LRP1B: variants seen among roughly 807,000 people sequenced by gnomAD.
The protein encoded by LRP1B is low-density lipoprotein receptor-related protein 1B.
A neutral mutation model predicts 556.6 loss-of-function variants in LRP1B; 217 were observed. The ratio of observed to expected loss-of-function variants is 0.39; its 90% CI spans 0.35 to 0.44. The LOEUF is 0.44. LRP1B is among the 20% of genes least tolerant of loss of function. The pLI, the probability that LRP1B is intolerant of heterozygous loss-of-function variation, is 1.00. For synonymous variants in LRP1B, 2,047 were observed against 1,865.8 expected (o/e 1.10, Z -2.50); for missense variants, 5,053 against 5,620.8 (o/e 0.90, Z 3.23).
At chr2:141,054,824 A>T (rs1242415113) in intron 10 of LRP1B, among the ~76,000 whole-genome samples, 1 of 152,008 alleles carries the variant, frequency 6.6e-6, no homozygotes, top group Non-Finnish European at 1.5e-5. Context: ...CCAACTTATT[A>T]GCTCAAATAC....
intron 7 of LRP1B, among the ~76,000 whole-genome samples, chr2:141,153,045 T>G (rs1355959171): frequency 6.7e-6 from 1 of 150,098 alleles, no homozygotes; most frequent in Non-Finnish European, 1.5e-5. Flanking sequence ...TTAACCATTC[T>G]TTAAGAACCA....
chr2:140,506,942 A>G (rs1390712350), intron 52 of LRP1B, 24 bp from the exon 53 acceptor site: 6 of 1,611,794 alleles, frequency 3.7e-6, no homozygotes, highest in African/African-American at 2.7e-5. Context: ...CACAAAAAAT[A>G]AAGTTAGATG....
intron 1 of LRP1B, among the ~76,000 whole-genome samples, chr2:141,909,481 T>C (rs1194786954): frequency 1.3e-5 from 2 of 150,348 alleles, no homozygotes; most frequent in African/African-American, 4.9e-5. Context: ...ATGGGGTAAC[T>C]GGTTCAGGCA....
intron 41 of LRP1B, among the ~76,000 whole-genome samples, chr2:140,697,487 C>T (rs1686473896): frequency 6.6e-6 from 1 of 151,844 alleles, no homozygotes; most frequent in Admixed American, 6.6e-5. Flanking sequence ...TATTTGTACA[C>T]CAATGTTCAT....
chr2:141,211,018 C>T (rs1041107822), intron 6 of LRP1B, among the ~76,000 whole-genome samples: 2 of 152,020 alleles, frequency 1.3e-5, no homozygotes, highest in Admixed American at 1.3e-4. Context: ...GAGGCAGTCT[C>T]GCTCCGTCAC....
intron 2 of LRP1B, among the ~76,000 whole-genome samples, chr2:141,770,317 TATC>T (rs1694860929): frequency 1.3e-5 from 2 of 152,230 alleles, no homozygotes; most frequent in South Asian, 4.1e-4. Context: ...ACACAATAAA[TATC>T]ATTATTCTCA....
intron 79 of LRP1B, among the ~76,000 whole-genome samples, chr2:140,333,738 G>A (rs1002918320): frequency 2.6e-5 from 4 of 152,060 alleles, no homozygotes; most frequent in African/African-American, 9.7e-5. Context: ...GGCTCCTGTA[G>A]TCTGAAAATG....
intron 3 of LRP1B, among the ~76,000 whole-genome samples, chr2:141,278,874 C>T (rs907392805): frequency 1.4e-4 from 22 of 152,218 alleles, no homozygotes; most frequent in African/African-American, 5.1e-4. Flanking sequence ...CTGTCTCTGG[C>T]CAATACTGAG....
intron 43 of LRP1B, among the ~76,000 whole-genome samples, chr2:140,597,765 A>C (rs144494894): frequency 1.3e-5 from 2 of 152,282 alleles, no homozygotes; most frequent in African/African-American, 4.8e-5. Context: ...TATATTCTCT[A>C]TGTCTGTGTT....
At chr2:141,572,871 G>A (rs1686584355) in intron 2 of LRP1B, among the ~76,000 whole-genome samples, 2 of 151,398 alleles carry the variant, frequency 1.3e-5, no homozygotes, top group South Asian at 4.2e-4. Flanking sequence ...TAATGGTAAA[G>A]GGAATAATTC....
chr2:141,816,217 G>C (rs1406643175), intron 1 of LRP1B, among the ~76,000 whole-genome samples: 1 of 152,156 alleles, frequency 6.6e-6, no homozygotes, highest in Admixed American at 6.5e-5. Context: ...TGCATTGAAG[G>C]ATGCAAAGTA....
chr2:141,489,050 C>G (rs1486532289), intron 2 of LRP1B, among the ~76,000 whole-genome samples: 1 of 146,906 alleles, frequency 6.8e-6, no homozygotes, highest in Non-Finnish European at 1.5e-5. Flanking sequence ...GATTGTGGCT[C>G]CTGCAGCCTT....
intron 45 of LRP1B, among the ~76,000 whole-genome samples, chr2:140,537,182 T>TC (rs1679945031): frequency 2.1e-5 from 2 of 94,194 alleles, no homozygotes; most frequent in Non-Finnish European, 4.6e-5. Flanking sequence ...AAATAATAAT[T>TC]ATTATTATAT....
chr2:141,364,601 G>T (rs1486312004), intron 3 of LRP1B, among the ~76,000 whole-genome samples: 1 of 152,158 alleles, frequency 6.6e-6, no homozygotes, highest in African/African-American at 2.4e-5. Flanking sequence ...TTATACACAT[G>T]CATCTTTCAA....
rs574095918 is a variant in LRP1B at position 141,168,091 on chromosome 2, T to C, written c.1013+20330A>G. Among the ~76,000 whole-genome samples the C allele has an allele frequency of 2.4e-4, 36 of 152,110 alleles. No homozygotes were observed. In the South Asian group the frequency reaches 5.4e-3, roughly 23 times the overall value. On this transcript the variant is annotated intron_variant, in intron 7 of 90. Coordinates refer to ENST00000389484, the MANE Select transcript of LRP1B (RefSeq NM_018557.3). The stretch of plus-strand genomic sequence containing the variant: ...CAGAAGCGATGGGAATCAGGGTATA[T>C]TAAGAAAACTAAAACAGAAATCTCA...
intron 78 of LRP1B, among the ~76,000 whole-genome samples, chr2:140,335,388 C>G (rs1357503092): frequency 1.3e-5 from 2 of 151,844 alleles, no homozygotes; most frequent in Non-Finnish European, 2.9e-5. Flanking sequence ...TACAGACACA[C>G]AGGCATACTG....
intron 6 of LRP1B, among the ~76,000 whole-genome samples, chr2:141,200,853 G>A (rs757312239): frequency 5.3e-5 from 8 of 152,034 alleles, no homozygotes; most frequent in Admixed American, 2.6e-4. Context: ...TAAGTGTTCC[G>A]TGAATATTTA....
At chr2:141,228,527 GGGAGAGAGAA>G (rs1404599791) in intron 6 of LRP1B, among the ~76,000 whole-genome samples, 2 of 151,178 alleles carry the variant, frequency 1.3e-5, no homozygotes, top group Admixed American at 6.6e-5. Context: ...TGTGGAAGCA[GGGAGAGAGAA>G]GGAGAGAGAG....
chr2:140,511,492 G>A (rs1400075915), intron 51 of LRP1B, among the ~76,000 whole-genome samples: 12 of 151,792 alleles, frequency 7.9e-5, no homozygotes, highest in African/African-American at 2.4e-4. Flanking sequence ...TAGTAGAGAC[G>A]GGGTTTCACT....
Sources: gnomAD v4.1 joint callset for allele counts (sites outside exome capture counted in the v4.1 genomes callset) on GRCh38, gnomAD v4.1.1 for gene constraint, MANE v1.5 for transcripts, NCBI Gene and HGNC (gene_info 2026-07-23, HGNC 2026-07-21) for gene names.